CNTN5: variants seen among roughly 807,000 people sequenced by gnomAD.
The protein encoded by CNTN5 is contactin-5.
In CNTN5, 77 loss-of-function variants were observed where a neutral mutation model predicts 129.1. The observed-to-expected ratio is 0.60, with a 90% CI of 0.50 to 0.72. CNTN5 has a LOEUF of 0.72. CNTN5 is among the 30% of genes least tolerant of loss of function. CNTN5 has a pLI of 0.00. For missense variants in CNTN5, 1,478 were observed against 1,328.8 expected, an observed-to-expected ratio of 1.11 and a Z score of -1.75; for synonymous variants, 509 against 465.6, an observed-to-expected ratio of 1.09 and a Z score of -1.20.
chr11:99,778,089 T>C (rs903202346), intron 3 of CNTN5, among the ~76,000 whole-genome samples: 8 of 151,882 alleles, frequency 5.3e-5, no homozygotes, highest in South Asian at 2.1e-4. Context: ...TTTCAACTTA[T>C]CTTACCAGAT....
intron 13 of CNTN5, among the ~76,000 whole-genome samples, chr11:100,103,790 G>A (rs60578491): frequency 3.3e-5 from 5 of 152,040 alleles, no homozygotes; most frequent in South Asian, 2.1e-4. Context: ...CAGTTTGGGG[G>A]AAATTCTACA....
intron 2 of CNTN5, among the ~76,000 whole-genome samples, chr11:99,392,306 G>A (rs1312083091): frequency 2.6e-5 from 4 of 151,724 alleles, no homozygotes; most frequent in African/African-American, 9.7e-5. Context: ...TTACTGTGCT[G>A]AATGGAAGAG....
At chr11:100,300,756 G>A (rs1278071437) in intron 20 of CNTN5, among the ~76,000 whole-genome samples, 1 of 151,530 alleles carries the variant, frequency 6.6e-6, no homozygotes, top group Non-Finnish European at 1.5e-5. Context: ...GAAAAATCAA[G>A]TAATGGCAAG....
chr11:99,601,830 T>C (rs958838197), intron 3 of CNTN5, among the ~76,000 whole-genome samples: 1 of 152,186 alleles, frequency 6.6e-6, no homozygotes, highest in Non-Finnish European at 1.5e-5. Context: ...GTATGCTTTT[T>C]TACATTTAGA....
chr11:100,117,065 TTAAAAAATAAAA>T (rs1395633388), intron 13 of CNTN5, among the ~76,000 whole-genome samples: 4 of 151,922 alleles, frequency 2.6e-5, no homozygotes, highest in African/African-American at 9.7e-5. Context: ...TTGTATTCAG[TTAAAAAATAAAA>T]TAAAAAATAA....
chr11:99,684,138 A>C (rs948443391), intron 3 of CNTN5, among the ~76,000 whole-genome samples: 1 of 151,616 alleles, frequency 6.6e-6, no homozygotes, highest in Non-Finnish European at 1.5e-5. Flanking sequence ...CCCTGTTTCT[A>C]TGAGTTTGAC....
chr11:100,022,937 C>T (rs909139999), intron 9 of CNTN5, among the ~76,000 whole-genome samples: 1 of 151,952 alleles, frequency 6.6e-6, no homozygotes, highest in Non-Finnish European at 1.5e-5. Context: ...TTTTCTCTGA[C>T]TGCTTTCAAG....
chr11:99,484,064 T>C (rs1945710261), intron 2 of CNTN5, among the ~76,000 whole-genome samples: 1 of 151,758 alleles, frequency 6.6e-6, no homozygotes, highest in African/African-American at 2.4e-5. Flanking sequence ...TGGGACTATA[T>C]CTAACTAAAA....
chr11:99,732,422 C>G (rs776315424), intron 3 of CNTN5, among the ~76,000 whole-genome samples: 2 of 124,210 alleles, frequency 1.6e-5, no homozygotes, highest in Non-Finnish European at 3.9e-5. Context: ...TATAATAACT[C>G]AGTATAATAA....
chr11:99,150,999 G>A (rs1432063732), intron 1 of CNTN5, among the ~76,000 whole-genome samples: 6 of 152,058 alleles, frequency 3.9e-5, no homozygotes, highest in Non-Finnish European at 8.8e-5. Flanking sequence ...AAAAAATGAA[G>A]CTTATATTAC....
intron 6 of CNTN5, among the ~76,000 whole-genome samples, chr11:99,873,711 A>G (rs1055531727): frequency 9.2e-5 from 14 of 152,300 alleles, no homozygotes; most frequent in Non-Finnish European, 1.6e-4. Context: ...ACTACTGGCT[A>G]TCTACTTAAA....
At chr11:99,268,608 C>A (rs1381861904) in intron 1 of CNTN5, among the ~76,000 whole-genome samples, 2 of 151,870 alleles carry the variant, frequency 1.3e-5, no homozygotes, top group African/African-American at 4.8e-5. Flanking sequence ...CTTTAATGTG[C>A]AAGCCAAAAT....
intron 1 of CNTN5, among the ~76,000 whole-genome samples, chr11:99,143,449 A>C (rs1859627772): frequency 6.6e-6 from 1 of 150,582 alleles, no homozygotes. Flanking sequence ...TGGCAGATCA[A>C]CAAATTGACT....
intron 13 of CNTN5, among the ~76,000 whole-genome samples, chr11:100,159,279 G>T (rs1183586640): frequency 1.3e-5 from 2 of 151,690 alleles, no homozygotes; most frequent in Non-Finnish European, 2.9e-5. Flanking sequence ...TTAAAATGTT[G>T]CCAATGTTCT....
chr11:99,192,210 C>T (rs935508102), intron 1 of CNTN5, among the ~76,000 whole-genome samples: 1 of 151,302 alleles, frequency 6.6e-6, no homozygotes. Flanking sequence ...ATGGAAACCA[C>T]AGAAATACAA....
At chr11:99,902,230 G>T (rs530071666) in intron 6 of CNTN5, among the ~76,000 whole-genome samples, 23 of 142,828 alleles carry the variant, frequency 1.6e-4, no homozygotes, top group Non-Finnish European at 3.2e-4. Flanking sequence ...TGTACAGCCC[G>T]CAAGCTAAGG....
At chr11:99,735,158 T>C (rs931351339) in intron 3 of CNTN5, among the ~76,000 whole-genome samples, 6 of 152,228 alleles carry the variant, frequency 3.9e-5, no homozygotes, top group African/African-American at 1.4e-4. Flanking sequence ...CCTGTCCTTA[T>C]GGAGCTTACC....
chr11:100,179,479 A>C (rs182186329), intron 13 of CNTN5, among the ~76,000 whole-genome samples: 5 of 152,264 alleles, frequency 3.3e-5, no homozygotes. Context: ...TAAAACCATT[A>C]GGTTGAACCA....
chr11:99,619,373 T>C (rs149799565), intron 3 of CNTN5, among the ~76,000 whole-genome samples: 74 of 152,196 alleles, frequency 4.9e-4, no homozygotes, highest in African/African-American at 1.7e-3. Context: ...TAATATATAT[T>C]TCTGTCTGGT....
Sources: gnomAD v4.1 joint callset for allele counts (sites outside exome capture counted in the v4.1 genomes callset) on GRCh38, gnomAD v4.1.1 for gene constraint, MANE v1.5 for transcripts, NCBI Gene and HGNC (gene_info 2026-07-23, HGNC 2026-07-21) for gene names.